The following BTBD9 variants were observed in gnomAD, a reference collection of about 807,000 sequenced individuals.
BTBD9 encodes the protein BTB domain containing 9.
A neutral mutation model predicts 64.3 loss-of-function variants in BTBD9; 49 were observed. That is an observed-to-expected ratio of 0.76 (90% confidence interval 0.61 to 0.97). BTBD9 has a LOEUF of 0.97. Among genes scored for constraint, BTBD9 ranks in the 50% least tolerant of loss-of-function variants. The pLI is 0.00. For missense variants in BTBD9, 598 were observed against 762.1 expected (o/e 0.78, Z 2.53); for synonymous variants, 260 against 274.7 (o/e 0.95, Z 0.53).
intron 6 of BTBD9, among the ~76,000 whole-genome samples, chr6:38,445,531 T>C (rs1180576971): frequency 6.6e-6 from 1 of 152,220 alleles, no homozygotes; most frequent in African/African-American, 2.4e-5. Flanking sequence ...TCAGACTGTC[T>C]AGTATTATCA....
intron 7 of BTBD9, among the ~76,000 whole-genome samples, chr6:38,312,895 T>C (rs550669854): frequency 6.6e-5 from 10 of 152,214 alleles, no homozygotes; most frequent in Non-Finnish European, 1.3e-4. Context: ...TCCAGGTCTT[T>C]TGTGGTTCCA....
chr6:38,517,806 C>T (rs1461691034), intron 6 of BTBD9, among the ~76,000 whole-genome samples: 3 of 152,142 alleles, frequency 2.0e-5, no homozygotes, highest in African/African-American at 7.2e-5. Flanking sequence ...CTCTATAACA[C>T]ATCGAATCCA....
intron 6 of BTBD9, among the ~76,000 whole-genome samples, chr6:38,399,313 T>C (rs1301751202): frequency 6.6e-6 from 1 of 152,182 alleles, no homozygotes; most frequent in Non-Finnish European, 1.5e-5. Context: ...GTCTACTAGA[T>C]TAACTACAAA....
chr6:38,313,911 G>A (rs536092372), intron 7 of BTBD9, among the ~76,000 whole-genome samples: 1 of 151,420 alleles, frequency 6.6e-6, no homozygotes, highest in Non-Finnish European at 1.5e-5. Flanking sequence ...CCCCACATCC[G>A]GCTAATTTTT....
chr6:38,486,131 G>A (rs73426886), intron 6 of BTBD9, among the ~76,000 whole-genome samples: 2,018 of 152,244 alleles, frequency 0.013, 41 homozygotes, highest in African/African-American at 0.045. Flanking sequence ...TGCACCTTCC[G>A]CACCTCTCTC....
chr6:38,243,860 T>G (rs1201321502), intron 9 of BTBD9, among the ~76,000 whole-genome samples: 1 of 152,126 alleles, frequency 6.6e-6, no homozygotes, highest in Non-Finnish European at 1.5e-5. Context: ...GACCCCTGAA[T>G]TCATAAAAAT....
At chr6:38,322,458 A>C (rs189792680) in intron 7 of BTBD9, among the ~76,000 whole-genome samples, 14 of 152,354 alleles carry the variant, frequency 9.2e-5, no homozygotes, top group Admixed American at 6.5e-4. Context: ...ACATGCCATA[A>C]GGAAAATTAT....
intron 1 of BTBD9, among the ~76,000 whole-genome samples, chr6:38,613,491 G>A (rs1195194308): frequency 1.3e-5 from 2 of 152,080 alleles, no homozygotes; most frequent in Admixed American, 6.5e-5. Flanking sequence ...GCATGATGGC[G>A]GGTCCCTGTA....
intron 8 of BTBD9, among the ~76,000 whole-genome samples, chr6:38,272,411 C>G (rs939456562): frequency 1.8e-4 from 27 of 152,248 alleles, no homozygotes; most frequent in African/African-American, 6.5e-4. Flanking sequence ...TTATAAAAAG[C>G]ATTTTACAAG....
intron 6 of BTBD9, among the ~76,000 whole-genome samples, chr6:38,457,372 T>C (rs1199567001): frequency 6.6e-6 from 1 of 152,188 alleles, no homozygotes; most frequent in Non-Finnish European, 1.5e-5. Flanking sequence ...GAAATGGTGT[T>C]GGTGTCAACT....
At position 38,465,707 on chromosome 6, in the gene BTBD9, TTATATATATATATATATATATATATATA is replaced by T. The variant is rs1157324453; in HGVS notation, c.1154+111865_1154+111892del. ...ATCTCTAAATAAATAAATAAATAAA[TTATATATATATATATATATATATATATA>T]TATATATATATATATATATATGTAT... On this transcript the variant is annotated intron_variant, in intron 6 of 10. Transcript: ENST00000481247. Among the ~76,000 whole-genome samples, 37 of 46,854 alleles carry T rather than the reference TTATATATATATATATATATATATATATA, an allele frequency of 7.9e-4. No homozygotes were observed. The East Asian group carries it at 8.2e-3, about 10-fold the overall frequency. 30.7% of individuals were successfully genotyped at this position (46,854 alleles called of 152,430 possible).
intron 1 of BTBD9, among the ~76,000 whole-genome samples, chr6:38,626,584 C>G (rs1264609335): frequency 2.6e-5 from 4 of 152,174 alleles, no homozygotes; most frequent in Admixed American, 2.6e-4. Flanking sequence ...GCCTGGGCAT[C>G]TCCTTCCCAG....
At chr6:38,516,700 C>A (rs1773043204) in intron 6 of BTBD9, among the ~76,000 whole-genome samples, 2 of 152,278 alleles carry the variant, frequency 1.3e-5, no homozygotes, top group Middle Eastern at 3.4e-3. Flanking sequence ...CCTTTTATCT[C>A]CCACATGAAA....
chr6:38,332,712 T>C (rs1460524290), intron 7 of BTBD9, among the ~76,000 whole-genome samples: 1 of 152,182 alleles, frequency 6.6e-6, no homozygotes, highest in Admixed American at 6.5e-5. Context: ...AACACACACA[T>C]AACTGGGATT....
chr6:38,216,333 C>T (rs138803211), intron 9 of BTBD9, among the ~76,000 whole-genome samples: 7 of 152,150 alleles, frequency 4.6e-5, no homozygotes, highest in Middle Eastern at 6.8e-3. Flanking sequence ...GTCAAAATGC[C>T]CCAATTAGCA....
intron 6 of BTBD9, among the ~76,000 whole-genome samples, chr6:38,463,380 C>A (rs1221136560): frequency 6.6e-6 from 1 of 152,174 alleles, no homozygotes; most frequent in African/African-American, 2.4e-5. Context: ...CTCTTCCTTG[C>A]CTTACTGCAT....
At chr6:38,482,187 C>T (rs1284646233) in intron 6 of BTBD9, 2 of 152,142 alleles carry the variant, frequency 1.3e-5, no homozygotes, top group Admixed American at 6.5e-5. Context: ...TTACTCTTGC[C>T]CGAAGCCCTC....
chr6:38,311,180 C>T (rs953511093), intron 7 of BTBD9, among the ~76,000 whole-genome samples: 1 of 151,746 alleles, frequency 6.6e-6, no homozygotes, highest in Non-Finnish European at 1.5e-5. Context: ...CTATGAAACG[C>T]TAGATCTTAT....
intron 6 of BTBD9, among the ~76,000 whole-genome samples, chr6:38,570,671 A>AAT (rs1775721258): frequency 6.6e-6 from 1 of 152,302 alleles, no homozygotes; most frequent in South Asian, 2.1e-4. Context: ...AAGGTTAAAA[A>AAT]ATATATATAT....
Sources: allele counts gnomAD v4.1 joint callset (sites outside exome capture counted in the v4.1 genomes callset), GRCh38; gene constraint gnomAD v4.1.1; transcripts MANE v1.5; gene names NCBI Gene and HGNC (gene_info 2026-07-23, HGNC 2026-07-21).